The following MROH1 variants were observed in gnomAD, a reference collection of about 807,000 sequenced individuals.
MROH1 encodes the protein maestro heat-like repeat-containing protein family member 1.
A neutral mutation model predicts 116.5 loss-of-function variants in MROH1; 117 were observed. The ratio of observed to expected loss-of-function variants is 1.00; its 90% CI spans 0.86 to 1.17. MROH1 has a LOEUF of 1.17. Among genes scored for constraint, MROH1 ranks in the 50% most tolerant of loss-of-function variants. MROH1 has a pLI of 0.00. For missense variants in MROH1, 1,873 were observed against 1,338.5 expected, an observed-to-expected ratio of 1.40 and a Z score of -6.23; for synonymous variants, 921 against 583.9, an observed-to-expected ratio of 1.58 and a Z score of -8.32.
intron 35 of MROH1, among the ~76,000 whole-genome samples, chr8:144,256,267 G>A (rs4332174): frequency 0.24 from 35,762 of 152,072 alleles, 5,212 homozygotes; most frequent in East Asian, 0.55. Context: ...CCAGGACCAC[G>A]AGCCCATGTG....
At chr8:144,224,466 A>C (rs916527895) in intron 14 of MROH1, among the ~76,000 whole-genome samples, 6 of 151,896 alleles carry the variant, frequency 4.0e-5, no homozygotes, top group African/African-American at 7.3e-5. Flanking sequence ...AGATCACACT[A>C]TGTTGCCCAG....
intron 29 of MROH1, among the ~76,000 whole-genome samples, chr8:144,246,650 C>T (rs1052977425): frequency 6.6e-6 from 1 of 152,130 alleles, no homozygotes; most frequent in Non-Finnish European, 1.5e-5. Context: ...TCATCAGTGG[C>T]GCCCAAGTAG....
intron 12 of MROH1, among the ~76,000 whole-genome samples, chr8:144,206,955 C>A (rs1282315703): frequency 6.7e-6 from 1 of 150,118 alleles, no homozygotes; most frequent in Non-Finnish European, 1.5e-5. Flanking sequence ...ATTGCTTGAA[C>A]CCGGGCGGCA....
Position 144,221,898 on chromosome 8 carries a change from G to C in MROH1, c.1216-1210G>C, listed in dbSNP as rs562270255. 2.3e-3 allele frequency among the ~76,000 whole-genome samples: 356 copies of C among 152,282 alleles called. 2 individuals carry two copies. The highest frequency in any genetic ancestry group is 8.3e-3 in the African/African-American group (345 of 41,556). On this transcript the variant is annotated intron_variant, in intron 13 of 43. Coordinates refer to ENST00000326134, the MANE Select transcript of MROH1 (RefSeq NM_032450.3). ...GCAGAGGCGTGGTCACGATGCTGGA[G>C]AAAAGGATCCCCAGGGAGGGCAGCA...
intron 3 of MROH1, among the ~76,000 whole-genome samples, chr8:144,167,706 C>T (rs1351821439): frequency 6.6e-6 from 1 of 152,186 alleles, no homozygotes; most frequent in Non-Finnish European, 1.5e-5. Flanking sequence ...CAATGATTTT[C>T]TTGATTCAGC....
intron 4 of MROH1, chr8:144,175,240 G>T: frequency 1.2e-6 from 1 of 860,462 alleles, no homozygotes; most frequent in Non-Finnish European, 1.4e-6. Context: ...CCTCCCAGCA[G>T]CGGGTCCGGT....
At chr8:144,214,903 T>A (rs1834920868) in intron 12 of MROH1, among the ~76,000 whole-genome samples, 2 of 152,308 alleles carry the variant, frequency 1.3e-5, no homozygotes, top group East Asian at 3.9e-4. Context: ...GTCCCACAGC[T>A]GAAGCACCTG....
At chr8:144,176,343 A>C (rs1823903491) in intron 4 of MROH1, among the ~76,000 whole-genome samples, 1 of 149,528 alleles carries the variant, frequency 6.7e-6, no homozygotes, top group Non-Finnish European at 1.5e-5. Flanking sequence ...ACAGCACTCC[A>C]GCCTGGGTGA....
chr8:144,214,401 G>T (rs1399151853), intron 12 of MROH1: 1 of 152,248 alleles, frequency 6.6e-6, no homozygotes, highest in African/African-American at 2.4e-5. Flanking sequence ...TAGGACATAA[G>T]CTACTTGAGG....
intron 35 of MROH1, 65 bp downstream of exon 35, chr8:144,255,770 G>A (rs954336998): frequency 7.7e-5 from 54 of 699,180 alleles, no homozygotes; most frequent in South Asian, 2.0e-4. Context: ...GTGTGCACGC[G>A]CGTGGTGGGG....
chr8:144,195,827 C>T (rs183108012), intron 10 of MROH1, among the ~76,000 whole-genome samples: 1 of 152,196 alleles, frequency 6.6e-6, no homozygotes, highest in Non-Finnish European at 1.5e-5. Context: ...CTCATCCCCT[C>T]CCCAAACCCC....
intron 35 of MROH1, 24 bp downstream of exon 35, chr8:144,255,729 C>T (rs1167040100): frequency 5.4e-6 from 4 of 734,682 alleles, no homozygotes; most frequent in East Asian, 5.2e-5. Flanking sequence ...CACTTCCCAC[C>T]TCCAGTACTG....
At chr8:144,193,800 G>A (rs1427500820) in intron 10 of MROH1, among the ~76,000 whole-genome samples, 1 of 151,882 alleles carries the variant, frequency 6.6e-6, no homozygotes, top group African/African-American at 2.4e-5. Flanking sequence ...GTAGAGATGG[G>A]GTTTCACCAT....
chr8:144,253,406 C>T (rs1180709398), intron 33 of MROH1, among the ~76,000 whole-genome samples: 4 of 152,344 alleles, frequency 2.6e-5, no homozygotes, highest in Admixed American at 6.5e-5. Context: ...AGAGGCCACC[C>T]GGCCCCCAAG....
chr8:144,223,352 G>C, intron 14 of MROH1, 122 bp downstream of exon 14: 3 of 1,298,976 alleles, frequency 2.3e-6, no homozygotes, highest in Non-Finnish European at 3.1e-6. Flanking sequence ...TCTGCGTGCG[G>C]AGGTGCCCTC....
intron 31 of MROH1, among the ~76,000 whole-genome samples, chr8:144,248,071 C>T (rs1842201809): frequency 3.3e-5 from 5 of 152,198 alleles, no homozygotes; most frequent in Non-Finnish European, 7.3e-5. Flanking sequence ...CAGAGGCTAC[C>T]CAAGAGCCAC....
chr8:144,201,899 T>C (rs1444766700), intron 12 of MROH1, among the ~76,000 whole-genome samples: 3 of 151,594 alleles, frequency 2.0e-5, no homozygotes, highest in Non-Finnish European at 4.4e-5. Flanking sequence ...CGGGCGCCTG[T>C]AATCCAAGCT....
intron 12 of MROH1, among the ~76,000 whole-genome samples, chr8:144,210,331 G>A (rs1420525067): frequency 1.3e-5 from 2 of 151,900 alleles, no homozygotes. Context: ...CCAGCTACTT[G>A]GGAGGCTGAG....
chr8:144,260,153 C>G, intron 38 of MROH1, 33 bp from the exon 39 acceptor site: 1 of 762,942 alleles, frequency 1.3e-6, no homozygotes. Flanking sequence ...GACGGTGACT[C>G]TGGGACCCAG....
Sources: allele counts gnomAD v4.1 joint callset (sites outside exome capture counted in the v4.1 genomes callset), GRCh38; gene constraint gnomAD v4.1.1; transcripts MANE v1.5; gene names NCBI Gene and HGNC (gene_info 2026-07-23, HGNC 2026-07-21).